Variants in MMD2 observed in about 807,000 individuals in gnomAD.
MMD2 encodes the protein monocyte to macrophage differentiation associated 2.
In MMD2, 30 loss-of-function variants were observed where a neutral mutation model predicts 33.5. The observed-to-expected ratio is 0.90, with a 90% confidence interval of 0.67 to 1.22. The LOEUF is 1.22. Ranked by LOEUF, MMD2 falls within the 50% of genes most tolerant of loss-of-function variation. The pLI, the probability that MMD2 is intolerant of heterozygous loss-of-function variation, is 0.00. For synonymous variants in MMD2, 129 were observed against 123.0 expected (o/e 1.05, Z -0.32); for missense variants, 364 against 325.4 (o/e 1.12, Z -0.91).
intron 1 of MMD2, among the ~76,000 whole-genome samples, chr7:4,936,937 T>C (rs1034811084): frequency 1.3e-5 from 2 of 151,038 alleles, no homozygotes; most frequent in African/African-American, 2.4e-5. Context: ...GGTTTCACCA[T>C]GTTGGTCAGG....
intron 1 of MMD2, among the ~76,000 whole-genome samples, chr7:4,931,804 A>G (rs1262868167): frequency 2.6e-5 from 4 of 151,968 alleles, no homozygotes; most frequent in Admixed American, 1.3e-4. Context: ...ACCTCAAACA[A>G]TCGTCCTCCC....
chr7:4,924,782 T>G (rs865924642), intron 2 of MMD2, among the ~76,000 whole-genome samples: 4 of 152,298 alleles, frequency 2.6e-5, no homozygotes, highest in Middle Eastern at 3.4e-3. Context: ...CATGGAGTCA[T>G]GTCTTCCATT....
At chr7:4,939,029 G>A (rs532554152) in intron 1 of MMD2, among the ~76,000 whole-genome samples, 1 of 151,972 alleles carries the variant, frequency 6.6e-6, no homozygotes, top group Admixed American at 6.6e-5. Flanking sequence ...CCAACATGGT[G>A]AAACCCCATC....
chr7:4,913,622 G>C lies in MMD2; in HGVS notation c.366-2376C>G, dbSNP rs1785067590. 3.3e-5 allele frequency among the ~76,000 whole-genome samples: 5 copies of C among 151,044 alleles called. No homozygotes were observed. In the South Asian group the frequency reaches 1.0e-3, roughly 32 times the overall value. ...AATTCCAGCTATTTGGGAGGCTCAG[G>C]CAGGAGAATTGCTTGAACCCGGGAG... is the stretch of plus-strand genomic sequence containing the variant. On this transcript the variant is annotated intron_variant, in intron 4 of 6. Coordinates refer to ENST00000401401, the MANE Select transcript of MMD2 (RefSeq NM_198403.4).
intron 1 of MMD2, among the ~76,000 whole-genome samples, chr7:4,932,635 T>C (rs1040917374): frequency 8.1e-4 from 123 of 151,604 alleles, no homozygotes; most frequent in Non-Finnish European, 1.4e-3. Context: ...TTTTTTTTTT[T>C]TTTTTGAGAA....
rs557268874 is a variant in MMD2, at chr7:4,912,487, G to C, written c.366-1241C>G. Among the ~76,000 whole-genome samples the C allele has an allele frequency of 1.5e-4, 23 of 151,294 alleles. No homozygotes were observed. In the South Asian group the frequency reaches 4.9e-3, roughly 32 times the overall value. ...TGAGGCAGGAGAATGGCGTGAACCC[G>C]GGAGGCAGAGCTTGTAGTGAGCCAA... On this transcript the variant is annotated intron_variant, in intron 4 of 6. Transcript: ENST00000401401.
Position 4,920,270 on chromosome 7 carries a change from C to T in MMD2, c.191G>A (p.Trp64Ter), listed in dbSNP as rs1785244153. 1.2e-6 allele frequency: 2 copies of T among 1,605,758 alleles called. No homozygotes were observed. The highest frequency in any genetic ancestry group is 3.4e-5 in the Admixed American group (2 of 58,688). Residue 64 changes from tryptophan (W) to a stop codon, truncating the protein, a stop_gained, in exon 3 of 7, where the codon TGG becomes TAG. Transcript: ENST00000401401. LOFTEE classifies it high-confidence loss of function. Reference protein sequence around the residue: ...SNLYFLSDDDWETISAWIYGL... With the variant: ...SNLYFLSDDD ...GTAGATCCAGGCAGAGATGGTCTCC[C>T]AGTCATCGTCCGACAGGAAGTAGAG...
chr7:4,958,912 GC>G, intron 1 of MMD2, 58 bp downstream of exon 1: 4 of 1,270,462 alleles, frequency 3.1e-6, no homozygotes, highest in Non-Finnish European at 3.0e-6. Context: ...GGCCTCCGCG[GC>G]CCCCGCCGCC....
At chr7:4,933,118 G>A (rs1233339203) in intron 1 of MMD2, among the ~76,000 whole-genome samples, 8 of 151,902 alleles carry the variant, frequency 5.3e-5, no homozygotes, top group Non-Finnish European at 1.0e-4. Context: ...GCTCACGCCT[G>A]TAATCCCAGC....
At chr7:4,952,348 G>C (rs914039898) in intron 1 of MMD2, among the ~76,000 whole-genome samples, 1 of 152,240 alleles carries the variant, frequency 6.6e-6, no homozygotes, top group Admixed American at 6.6e-5. Context: ...TGCTGATGAA[G>C]TGGGGGTTTC....
At chr7:4,952,975 C>G (rs754064348) in intron 1 of MMD2, among the ~76,000 whole-genome samples, 2 of 151,156 alleles carry the variant, frequency 1.3e-5, no homozygotes, top group African/African-American at 4.9e-5. Flanking sequence ...CCACACCTGG[C>G]CTTTTTTTGT....
At chr7:4,950,735 G>C (rs981045540) in intron 1 of MMD2, among the ~76,000 whole-genome samples, 7 of 145,704 alleles carry the variant, frequency 4.8e-5, no homozygotes, top group Admixed American at 4.2e-4. Context: ...TTTTGAGATG[G>C]AGTCTCACTC....
the MMD2 span, among the ~76,000 whole-genome samples, chr7:4,900,237 G>C: frequency 6.6e-6 from 1 of 152,106 alleles, no homozygotes; most frequent in Non-Finnish European, 1.5e-5. Flanking sequence ...ACTCCAGCCT[G>C]GGAGACAGAG....
At chr7:4,923,191 C>A (rs1233571296) in intron 2 of MMD2, among the ~76,000 whole-genome samples, 9 of 152,054 alleles carry the variant, frequency 5.9e-5, no homozygotes, top group Non-Finnish European at 1.3e-4. Flanking sequence ...GCAGCCTCTG[C>A]CTCCTGGGTT....
chr7:4,938,664 C>T (rs796171533), intron 1 of MMD2, among the ~76,000 whole-genome samples: 25 of 152,116 alleles, frequency 1.6e-4, no homozygotes, highest in African/African-American at 5.5e-4. Context: ...GCCAGGTTGT[C>T]GACTTGGAAA....
At chr7:4,910,589 C>G (rs1031215394) in intron 5 of MMD2, among the ~76,000 whole-genome samples, 1 of 152,002 alleles carries the variant, frequency 6.6e-6, no homozygotes, top group African/African-American at 2.4e-5. Context: ...CCGCCTCCCC[C>G]CCTAACCCCG....
intron 2 of MMD2, 72 bp from the exon 3 acceptor site, chr7:4,920,403 C>T (rs529856024): frequency 6.4e-5 from 97 of 1,509,336 alleles, no homozygotes; most frequent in Middle Eastern, 3.6e-4. Context: ...GCCCCTTCCC[C>T]GGCTGAGCTG....
chr7:4,894,392 T>C, the MMD2 span, among the ~76,000 whole-genome samples: 2 of 152,198 alleles, frequency 1.3e-5, no homozygotes, highest in East Asian at 3.8e-4. The surrounding 1 kb of genome is among the most constrained non-coding windows in gnomAD (Gnocchi z 4.3). Context: ...TTTCTGATCC[T>C]GGAGGGACTA....
At position 4,907,727 on chromosome 7, in the gene MMD2, G is replaced by T. The variant is rs144297015; in HGVS notation, c.538-128C>A. On this transcript the variant is annotated intron_variant, in intron 6 of 6. Transcript: ENST00000401401. Reference sequence around the variant, plus strand: ...GCAAACCAGCCCAGACTCCCAGGTGGGAAGCCTCAACACTGACATACCAGC... The same window carrying T: ...GCAAACCAGCCCAGACTCCCAGGTGTGAAGCCTCAACACTGACATACCAGC... The T allele has an allele frequency of 3.8e-6, 3 of 780,112 alleles. No homozygotes were observed. The African/African-American group carries it at 5.1e-5, about 13-fold the overall frequency. 48.3% of individuals were successfully genotyped at this position (780,112 alleles called of 1,614,324 possible).
Sources: gnomAD v4.1 joint callset for allele counts (sites outside exome capture counted in the v4.1 genomes callset) on GRCh38, gnomAD v4.1.1 for gene constraint, Gnocchi (gnomAD v3.1) non-coding constraint, MANE v1.5 for transcripts, NCBI Gene and HGNC (gene_info 2026-07-23, HGNC 2026-07-21) for gene names.